Variants in TTPA observed in about 807,000 individuals in gnomAD.
The protein encoded by TTPA is alpha tocopherol transfer protein, also known as alpha-tocopherol transfer protein.
Under a neutral mutation model 25.9 loss-of-function variants are expected in TTPA, and 23 were observed. The observed-to-expected ratio is 0.89, with a 90% CI of 0.64 to 1.26. The LOEUF is 1.26. Among genes scored for constraint, TTPA ranks in the 50% most tolerant of loss-of-function variants. The pLI is 0.00. For synonymous variants in TTPA, 148 were observed against 137.3 expected, an observed-to-expected ratio of 1.08 and a Z score of -0.54; for missense variants, 337 against 353.1, an observed-to-expected ratio of 0.95 and a Z score of 0.37.
At chr8:63,075,428 G>A (rs1805546500) in intron 1 of TTPA, among the ~76,000 whole-genome samples, 1 of 152,056 alleles carries the variant, frequency 6.6e-6, no homozygotes, top group African/African-American at 2.4e-5. Flanking sequence ...AATAAGAAAA[G>A]TAAAGCTCCA....
intron 1 of TTPA, among the ~76,000 whole-genome samples, chr8:63,077,937 G>T (rs2129775350): frequency 6.6e-6 from 1 of 152,304 alleles, no homozygotes; most frequent in East Asian, 1.9e-4. Context: ...ATATAGGCAG[G>T]TGACACTCTG....
intron 1 of TTPA, among the ~76,000 whole-genome samples, chr8:63,075,201 G>A (rs938630258): frequency 3.3e-5 from 5 of 152,166 alleles, no homozygotes; most frequent in African/African-American, 1.2e-4. Context: ...ATCATTGGAA[G>A]GTGTCTGTTT....
chr8:63,066,484 T>A (rs1176914906), intron 2 of TTPA, among the ~76,000 whole-genome samples: 1 of 151,982 alleles, frequency 6.6e-6, no homozygotes, highest in Non-Finnish European at 1.5e-5. Flanking sequence ...ACTAAAGAGG[T>A]TGCTAAGAGA....
intron 2 of TTPA, among the ~76,000 whole-genome samples, chr8:63,067,498 C>T (rs753959695): frequency 3.7e-5 from 4 of 109,228 alleles, no homozygotes; most frequent in African/African-American, 1.1e-4. Context: ...ACAGGATGAA[C>T]GAAAAAGAAA....
chr8:63,080,737 A>AATAAT (rs1554524624), intron 1 of TTPA, among the ~76,000 whole-genome samples: 3 of 132,784 alleles, frequency 2.3e-5, no homozygotes, highest in African/African-American at 9.7e-5. Context: ...AAAAAAAAAT[A>AATAAT]AATAATAATA....
At chr8:63,085,660 C>A (rs1206878859) in intron 1 of TTPA, among the ~76,000 whole-genome samples, 158 bp downstream of exon 1, 1 of 152,230 alleles carries the variant, frequency 6.6e-6, no homozygotes, top group East Asian at 1.9e-4. Context: ...GGAACATCTA[C>A]AGCCTCAGCG....
chr8:63,074,671 T>C (rs543564436), intron 1 of TTPA, among the ~76,000 whole-genome samples: 14 of 152,328 alleles, frequency 9.2e-5, no homozygotes, highest in Non-Finnish European at 1.6e-4. Context: ...GTTAACAGTA[T>C]TTTACAATGC....
At chr8:63,076,981 G>A (rs1805572683) in intron 1 of TTPA, among the ~76,000 whole-genome samples, 1 of 151,744 alleles carries the variant, frequency 6.6e-6, no homozygotes, top group Non-Finnish European at 1.5e-5. Flanking sequence ...AAAAATTTTG[G>A]ACAAGAGAAG....
chr8:63,069,563 A>G (rs1805450209), intron 2 of TTPA, among the ~76,000 whole-genome samples: 1 of 151,998 alleles, frequency 6.6e-6, no homozygotes, highest in African/African-American at 2.4e-5. Flanking sequence ...ATGCATCTCT[A>G]AAAAATAAAA....
At chr8:63,075,202 G>C (rs751777534) in intron 1 of TTPA, among the ~76,000 whole-genome samples, 1 of 152,194 alleles carries the variant, frequency 6.6e-6, no homozygotes. Context: ...TCATTGGAAG[G>C]TGTCTGTTTT....
At chr8:63,081,283 C>T (rs1397317569) in intron 1 of TTPA, among the ~76,000 whole-genome samples, 9 of 152,082 alleles carry the variant, frequency 5.9e-5, no homozygotes, top group Non-Finnish European at 7.4e-5. Flanking sequence ...CATCAAAAAG[C>T]TTATCCACCA....
At chr8:63,071,356 A>G (rs1446136588) in intron 2 of TTPA, among the ~76,000 whole-genome samples, 6 of 152,226 alleles carry the variant, frequency 3.9e-5, no homozygotes, top group Non-Finnish European at 8.8e-5. Flanking sequence ...CTTATCTATA[A>G]GCAGGCAAGA....
At chr8:63,059,080 G>A (rs1175303735), downstream of TTPA, among the ~76,000 whole-genome samples, 8 of 123,980 alleles carry the variant, frequency 6.5e-5, no homozygotes, top group Non-Finnish European at 1.1e-4. Context: ...CACCCAGGCT[G>A]GAGTGCAGTG....
At chr8:63,083,881 CT>C (rs907359566) in intron 1 of TTPA, among the ~76,000 whole-genome samples, 3 of 148,626 alleles carry the variant, frequency 2.0e-5, no homozygotes, top group African/African-American at 7.4e-5. Flanking sequence ...AGTTTTTTTT[CT>C]TTTTTTTCTT....
chr8:63,077,067 A>G (rs935648673), intron 1 of TTPA, among the ~76,000 whole-genome samples: 1 of 152,226 alleles, frequency 6.6e-6, no homozygotes, highest in African/African-American at 2.4e-5. Context: ...AAAATTCTGC[A>G]CAGAAAAAAA....
At chr8:63,072,206 G>A (rs1805493517) in intron 2 of TTPA, among the ~76,000 whole-genome samples, 1 of 152,186 alleles carries the variant, frequency 6.6e-6, no homozygotes, top group Admixed American at 6.5e-5. Context: ...CCAGCAAACA[G>A]AGTAGATGAA....
chr8:63,061,022 G>T lies in TTPA; in HGVS notation c.*230C>A. 1 of 449,456 alleles carries T rather than the reference G, an allele frequency of 2.2e-6. No homozygotes were observed. 27.8% of individuals were successfully genotyped at this position (449,456 alleles called of 1,614,324 possible). A position where few individuals can be genotyped will look rare whatever the true frequency, so the allele number is the denominator to read the frequency against. ...CAAGTACAAAATCGCCGATTTTTAT[G>T]CTCTTAAAATGTACTGACATTTAAT... On this transcript the variant is annotated 3_prime_UTR_variant, in exon 5 of 5. Transcript: ENST00000260116.
chr8:63,072,892 A>G, intron 2 of TTPA, 43 bp downstream of exon 2: 1 of 1,610,852 alleles, frequency 6.2e-7, no homozygotes, highest in Non-Finnish European at 8.5e-7. Context: ...ACACAACTGA[A>G]CTGGAGGAGA....
chr8:63,081,547 C>G (rs1433711618), intron 1 of TTPA, among the ~76,000 whole-genome samples: 1 of 152,102 alleles, frequency 6.6e-6, no homozygotes. Flanking sequence ...ACTGAATGGG[C>G]CAAAACTGGA....
Sources: gnomAD v4.1 joint callset for allele counts (sites outside exome capture counted in the v4.1 genomes callset) on GRCh38, gnomAD v4.1.1 for gene constraint, MANE v1.5 for transcripts, NCBI Gene and HGNC (gene_info 2026-07-23, HGNC 2026-07-21) for gene names.